Variants in ARHGAP10 observed in about 807,000 individuals in gnomAD.
The protein encoded by ARHGAP10 is Rho GTPase activating protein 10.
ARHGAP10 carries 87 observed loss-of-function variants against 108.6 expected under a neutral mutation model. The ratio of observed to expected loss-of-function variants is 0.80; its 90% confidence interval spans 0.67 to 0.96. The LOEUF is 0.96. Among genes scored for constraint, ARHGAP10 ranks in the 40% least tolerant of loss-of-function variants. The pLI is 0.00. For synonymous variants in ARHGAP10, 347 were observed against 341.1 expected (o/e 1.02, Z -0.19); for missense variants, 939 against 954.5 (o/e 0.98, Z 0.21).
intron 18 of ARHGAP10, among the ~76,000 whole-genome samples, chr4:148,004,646 A>G (rs934998310): frequency 2.0e-5 from 3 of 152,228 alleles, no homozygotes; most frequent in Admixed American, 2.0e-4. Flanking sequence ...CCGCCAGCCC[A>G]TAGTCAGCAA....
intron 19 of ARHGAP10, among the ~76,000 whole-genome samples, chr4:148,040,492 C>T (rs537230908): frequency 1.4e-4 from 21 of 152,224 alleles, no homozygotes; most frequent in African/African-American, 5.1e-4. Flanking sequence ...CAGGCGTGCA[C>T]CACCACACCT....
rs1259805668 is a variant in ARHGAP10, at chr4:147,966,754, G to A, written c.1631G>A (p.Arg544Lys). ...GTGGTGTTTGGACCAACTCTGATGA[G>A]GCCACAGGAAGAAACTGTCGCTGCC... is the stretch of plus-strand genomic sequence containing the variant. ...LGVVFGPTLM[R>K]PQEETVAALM... The change falls in exon 18 of 23, where the codon AGG becomes AAG. Residue 544 changes from arginine to lysine, a missense_variant. Transcript: ENST00000336498. 75 of 1,608,142 alleles carry A rather than the reference G, an allele frequency of 4.7e-5. No individual in the cohort carries two copies. The highest frequency in any genetic ancestry group is 6.3e-5 in the Non-Finnish European group (74 of 1,175,928).
At chr4:148,020,539 G>GGTT (rs1741527056) in intron 18 of ARHGAP10, among the ~76,000 whole-genome samples, 1 of 146,322 alleles carries the variant, frequency 6.8e-6, no homozygotes, top group African/African-American at 2.6e-5. Context: ...GAGAACATGC[G>GGTT]TTTTTTGTTT....
chr4:147,833,825 A>G lies in ARHGAP10; in HGVS notation c.312+10868A>G, dbSNP rs111493889. On this transcript the variant is annotated intron_variant, in intron 3 of 22. Transcript: ENST00000336498. ...ATGATATATATATTAAGTTGGTGGT[A>G]GAGATTGTGTTAGATATTCAAGAAA... Among the ~76,000 whole-genome samples the G allele has an allele frequency of 3.0e-3, 450 of 152,272 alleles. 1 individual carries two copies. The highest frequency in any genetic ancestry group is 0.01 in the African/African-American group (419 of 41,558).
At chr4:147,882,446 G>C (rs1735363075) in intron 10 of ARHGAP10, among the ~76,000 whole-genome samples, 1 of 132,546 alleles carries the variant, frequency 7.5e-6, no homozygotes, top group African/African-American at 2.6e-5. Context: ...CTGGGCGACA[G>C]AGTGAGACTC....
rs149163480 is a variant in ARHGAP10 at position 147,734,691 on chromosome 4, T to TC, written c.154+2240dup. On this transcript the variant is annotated intron_variant, in intron 1 of 22. Transcript: ENST00000336498. Reference sequence around the variant, plus strand: ...AGGTCTTATTCTTTTGCGTCCAACTTCCCCTGTCTACCTCTTAGGGGAACT... The same window carrying TC: ...AGGTCTTATTCTTTTGCGTCCAACTTCCCCCTGTCTACCTCTTAGGGGAACT... 5.9e-3 allele frequency among the ~76,000 whole-genome samples: 905 copies of TC among 152,264 alleles called. 11 individuals carry two copies. The highest frequency in any genetic ancestry group is 0.021 in the African/African-American group (862 of 41,550).
chr4:148,036,104 G>A (rs998261533), intron 19 of ARHGAP10, among the ~76,000 whole-genome samples: 2 of 150,458 alleles, frequency 1.3e-5, no homozygotes, highest in African/African-American at 2.5e-5. Context: ...GTGTGTGTGT[G>A]TATACTTTTC....
chr4:148,034,552 C>G (rs565103022), intron 19 of ARHGAP10, among the ~76,000 whole-genome samples: 3 of 151,494 alleles, frequency 2.0e-5, no homozygotes, highest in Non-Finnish European at 4.4e-5. Context: ...TGGTCTTGAG[C>G]TCCTGACCTC....
chr4:147,760,440 C>T (rs1158186844), intron 1 of ARHGAP10, among the ~76,000 whole-genome samples: 1 of 152,174 alleles, frequency 6.6e-6, no homozygotes, highest in East Asian at 1.9e-4. Context: ...CGTGAGTCCA[C>T]ATCACTGTGT....
intron 1 of ARHGAP10, among the ~76,000 whole-genome samples, 175 bp downstream of exon 1, chr4:147,732,630 C>T (rs1728265171): frequency 6.6e-6 from 1 of 152,094 alleles, no homozygotes; most frequent in African/African-American, 2.4e-5. Context: ...AATCATTCCT[C>T]CTCGAGGCAG....
intron 19 of ARHGAP10, among the ~76,000 whole-genome samples, chr4:148,033,686 C>T (rs892547774): frequency 9.2e-5 from 14 of 152,082 alleles, no homozygotes; most frequent in African/African-American, 3.4e-4. Context: ...GTGTTTCATA[C>T]TAGTGTGTTG....
chr4:147,847,891 C>T (rs182038796), intron 4 of ARHGAP10, among the ~76,000 whole-genome samples: 135 of 152,252 alleles, frequency 8.9e-4, no homozygotes, highest in Middle Eastern at 3.4e-3. Context: ...GCAATCTGAG[C>T]TTTGAAATTA....
chr4:148,039,483 A>G (rs1728537841), intron 19 of ARHGAP10, among the ~76,000 whole-genome samples: 1 of 145,358 alleles, frequency 6.9e-6, no homozygotes, highest in African/African-American at 2.5e-5. Flanking sequence ...TATTTTTAGT[A>G]AAGACGAGGT....
intron 18 of ARHGAP10, among the ~76,000 whole-genome samples, chr4:147,982,959 C>A (rs533914770): frequency 6.6e-6 from 1 of 152,096 alleles, no homozygotes; most frequent in South Asian, 2.1e-4. Flanking sequence ...CAGCTCATTG[C>A]AGCCTCGACT....
At chr4:147,791,219 C>G (rs768562642) in intron 1 of ARHGAP10, among the ~76,000 whole-genome samples, 2 of 150,328 alleles carry the variant, frequency 1.3e-5, no homozygotes, top group Non-Finnish European at 2.9e-5. Context: ...TCAAGTGATT[C>G]TCCTGCCTCG....
chr4:147,897,343 T>C (rs1736034463), intron 10 of ARHGAP10, among the ~76,000 whole-genome samples: 1 of 151,994 alleles, frequency 6.6e-6, no homozygotes. Context: ...CTTCAAGCCA[T>C]CTTCCTTCCT....
intron 18 of ARHGAP10, among the ~76,000 whole-genome samples, chr4:147,997,402 A>G (rs2149641324): frequency 6.6e-6 from 1 of 152,372 alleles, no homozygotes; most frequent in Middle Eastern, 3.4e-3. Flanking sequence ...TGATTCTTTA[A>G]GGGAGCTTGC....
chr4:147,777,823 T>G (rs1346842819), intron 1 of ARHGAP10, among the ~76,000 whole-genome samples: 10 of 152,202 alleles, frequency 6.6e-5, no homozygotes, highest in Admixed American at 6.5e-4. Context: ...AATTATACAT[T>G]GTGGTCCTTA....
At chr4:147,971,183 G>T in intron 18 of ARHGAP10, among the ~76,000 whole-genome samples, 1 of 152,112 alleles carries the variant, frequency 6.6e-6, no homozygotes, top group African/African-American at 2.4e-5. Context: ...TATTTCCCAG[G>T]TGGCAAAGGG....
Sources: gnomAD v4.1 joint callset for allele counts (sites outside exome capture counted in the v4.1 genomes callset) on GRCh38, gnomAD v4.1.1 for gene constraint, MANE v1.5 for transcripts, NCBI Gene and HGNC (gene_info 2026-07-23, HGNC 2026-07-21) for gene names.